Variants in NIBAN1 observed in about 807,000 individuals in gnomAD.
NIBAN1 encodes the protein protein Niban 1.
NIBAN1 carries 81 observed loss-of-function variants against 75.1 expected under a neutral mutation model. That is an observed-to-expected ratio of 1.08 (90% confidence interval 0.90 to 1.30). The LOEUF is 1.30. Ranked by LOEUF, NIBAN1 falls within the 50% of genes most tolerant of loss-of-function variation. The probability of loss-of-function intolerance (pLI) is 0.00; values close to 1 mark genes in which losing one functional copy is unlikely to be tolerated. For synonymous variants in NIBAN1, 436 were observed against 424.8 expected (o/e 1.03, Z -0.32); for missense variants, 1,133 against 1,128.1 (o/e 1.00, Z -0.06).
At chr1:184,839,131 C>T (rs1422272346) in intron 5 of NIBAN1, among the ~76,000 whole-genome samples, 1 of 152,114 alleles carries the variant, frequency 6.6e-6, no homozygotes, top group East Asian at 1.9e-4. Context: ...TATAATCCTT[C>T]CAACAATCCC....
At chr1:184,830,057 C>T (rs1429254389) in intron 6 of NIBAN1, among the ~76,000 whole-genome samples, 1 of 152,150 alleles carries the variant, frequency 6.6e-6, no homozygotes, top group Non-Finnish European at 1.5e-5. Flanking sequence ...AGCACATTGC[C>T]CGGCATAGAG....
At chr1:184,915,973 AT>A (rs756458439) in intron 1 of NIBAN1, among the ~76,000 whole-genome samples, 26 of 152,232 alleles carry the variant, frequency 1.7e-4, no homozygotes, top group Non-Finnish European at 3.4e-4. Flanking sequence ...GCCACAGAGA[AT>A]TCTGAAATTT....
intron 4 of NIBAN1, among the ~76,000 whole-genome samples, chr1:184,888,549 T>C (rs1220071544): frequency 2.6e-5 from 4 of 152,194 alleles, no homozygotes; most frequent in Non-Finnish European, 4.4e-5. Flanking sequence ...TCACAACTGA[T>C]CTACTGTAGA....
At chr1:184,963,578 C>A (rs1021825121) in intron 1 of NIBAN1, among the ~76,000 whole-genome samples, 1 of 152,028 alleles carries the variant, frequency 6.6e-6, no homozygotes, top group Non-Finnish European at 1.5e-5. Context: ...ATACAAAGAT[C>A]AACATGCAAA....
intron 1 of NIBAN1, among the ~76,000 whole-genome samples, chr1:184,973,964 A>G (rs1237980640): frequency 1.3e-5 from 2 of 152,238 alleles, no homozygotes; most frequent in African/African-American, 2.4e-5. Context: ...CAGTTCAGAA[A>G]CCGCTCAGAA....
intron 1 of NIBAN1, among the ~76,000 whole-genome samples, chr1:184,899,830 T>TC (rs1656901459): frequency 8.9e-6 from 1 of 112,754 alleles, no homozygotes; most frequent in East Asian, 2.6e-4. Flanking sequence ...TTTTTTTTTT[T>TC]CTTGAGACAG....
chr1:184,884,719 C>G lies in NIBAN1; in HGVS notation c.515G>C (p.Arg172Thr), dbSNP rs778697082. 1.2e-5 allele frequency: 19 copies of G among 1,614,220 alleles called. No homozygotes were observed. The highest frequency in any genetic ancestry group is 1.5e-5 in the Non-Finnish European group (18 of 1,180,026). Residue 172 changes from arginine (R) to threonine (T), a missense_variant, in exon 5 of 14, where the codon AGA becomes ACA. Physicochemically the swap from Arg to Thr is moderately conservative, Grantham distance 71. Coordinates refer to ENST00000367511, the MANE Select transcript of NIBAN1 (RefSeq NM_052966.4). ...FPVYLWQPFF[R>T]HGYFCFHEAA... ...CTCGTGGAAGCAGAAGTAGCCGTGT[C>G]TGAAGAAGGGCTGCCACAGGTACAC...
chr1:184,795,649 G>T lies in NIBAN1; in HGVS notation c.2115C>A (p.Ala705=). Reference sequence around the variant, plus strand: ...TTCTGAGCGCCTTCAAAGAACCCGAGGCAGTGATGGGTTCTGGCTCTTCCT... The same window carrying T: ...TTCTGAGCGCCTTCAAAGAACCCGATGCAGTGATGGGTTCTGGCTCTTCCT... ...PAQEEPEPIT[A]SGSLKALRKL... is the part of the protein sequence containing the mutation. Residue 705 remains alanine (A), a synonymous_variant, in exon 14 of 14, where the codon GCC becomes GCA. Transcript: ENST00000367511. 6.2e-7 allele frequency: 1 copy of T among 1,614,204 alleles called. No homozygotes were observed. The highest frequency in any genetic ancestry group is 8.5e-7 in the Non-Finnish European group (1 of 1,180,036).
At chr1:184,858,674 G>A (rs559997134) in intron 5 of NIBAN1, among the ~76,000 whole-genome samples, 2 of 152,258 alleles carry the variant, frequency 1.3e-5, no homozygotes, top group South Asian at 2.1e-4. Context: ...CATTTACCCA[G>A]CAATCTCTCT....
At chr1:184,882,831 C>T (rs575720795) in intron 5 of NIBAN1, among the ~76,000 whole-genome samples, 1 of 152,226 alleles carries the variant, frequency 6.6e-6, no homozygotes, top group South Asian at 2.1e-4. Context: ...CACAGACGGG[C>T]AAGTGTAGTG....
chr1:184,946,291 T>C (rs1658223609), intron 1 of NIBAN1, among the ~76,000 whole-genome samples: 1 of 152,168 alleles, frequency 6.6e-6, no homozygotes. Context: ...GTAGACTAAA[T>C]ATGGTTACAG....
chr1:184,880,500 C>T (rs183664364), intron 5 of NIBAN1, among the ~76,000 whole-genome samples: 411 of 152,320 alleles, frequency 2.7e-3, no homozygotes, highest in African/African-American at 9.4e-3. Context: ...CTTCCTCTCT[C>T]CTCTCTAAGC....
chr1:184,957,465 C>T (rs551942370), intron 1 of NIBAN1, among the ~76,000 whole-genome samples: 1 of 152,316 alleles, frequency 6.6e-6, no homozygotes, highest in South Asian at 2.1e-4. Context: ...GCCATTGCTT[C>T]TGTAGAGGCA....
intron 5 of NIBAN1, among the ~76,000 whole-genome samples, chr1:184,880,046 G>A (rs1656337445): frequency 6.6e-6 from 1 of 152,186 alleles, no homozygotes; most frequent in Non-Finnish European, 1.5e-5. Flanking sequence ...ATGACGATGT[G>A]AACACTGGCA....
chr1:184,916,710 AT>A (rs1312907300), intron 1 of NIBAN1, among the ~76,000 whole-genome samples: 2 of 152,098 alleles, frequency 1.3e-5, no homozygotes, highest in East Asian at 3.8e-4. Flanking sequence ...AAAAATAAAT[AT>A]TTTTGTTATT....
Position 184,791,983 on chromosome 1 carries a change from G to T in NIBAN1, c.*2994C>A, listed in dbSNP as rs376989781. 61 of 149,664 alleles carry T rather than the reference G, an allele frequency of 4.1e-4. No homozygotes were observed. Among genetic ancestry groups the T allele is most frequent in the African/African-American group, 1.1e-3 (44 of 40,668 alleles). The allele number at this position is 149,664 out of a possible 1,614,324, so 9.3% of individuals were successfully genotyped here. On this transcript the variant is annotated 3_prime_UTR_variant, in exon 14 of 14. Coordinates refer to ENST00000367511, the MANE Select transcript of NIBAN1 (RefSeq NM_052966.4). ...ACTTTTTTTTTTTTTTTGAGACAGGGTCTCATTTTGTTGCCCAAGCTGGAG... is the reference window on the plus strand; with the variant it reads ...ACTTTTTTTTTTTTTTTGAGACAGGTTCTCATTTTGTTGCCCAAGCTGGAG...
At position 184,791,890 on chromosome 1, in the gene NIBAN1, T is replaced by C. The variant is rs1653705613; in HGVS notation, c.*3087A>G. 1 of 152,036 alleles carries C rather than the reference T, an allele frequency of 6.6e-6. No individual in the cohort carries two copies. The highest frequency in any genetic ancestry group is 6.6e-5 in the Admixed American group (1 of 15,262). 9.4% of individuals were successfully genotyped at this position (152,036 alleles called of 1,614,324 possible). A position where few individuals can be genotyped will look rare whatever the true frequency, so the allele number is the denominator to read the frequency against. On this transcript the variant is annotated 3_prime_UTR_variant, in exon 14 of 14. Coordinates refer to ENST00000367511, the MANE Select transcript of NIBAN1 (RefSeq NM_052966.4). ...TCAACATGTTAAAATGAAGACAGAG[T>C]ATTTTAAATGCACTCTAGTTTCCTG...
chr1:184,914,596 T>C (rs992635516), intron 1 of NIBAN1, among the ~76,000 whole-genome samples: 5 of 152,200 alleles, frequency 3.3e-5, no homozygotes, highest in Non-Finnish European at 2.9e-5. Flanking sequence ...TTCTTATGTA[T>C]AATTGAGGAT....
At chr1:184,809,127 T>C (rs755412296) in intron 9 of NIBAN1, among the ~76,000 whole-genome samples, 7 of 152,182 alleles carry the variant, frequency 4.6e-5, no homozygotes, top group South Asian at 2.1e-4. Context: ...TGTCCGACTT[T>C]CAGCTCACGC....
Sources: gnomAD v4.1 joint callset for allele counts (sites outside exome capture counted in the v4.1 genomes callset) on GRCh38, gnomAD v4.1.1 for gene constraint, MANE v1.5 for transcripts, NCBI Gene and HGNC (gene_info 2026-07-23, HGNC 2026-07-21) for gene names.